NXPH1: variants seen among roughly 807,000 people sequenced by gnomAD.
NXPH1 encodes the protein neurexophilin 1.
Under a neutral mutation model 23.7 loss-of-function variants are expected in NXPH1, and 5 were observed. The ratio of observed to expected loss-of-function variants is 0.21; its 90% CI spans 0.11 to 0.44. The LOEUF (loss-of-function observed/expected upper bound fraction) is 0.44, where lower values mean the gene tolerates loss of function less well. NXPH1 is among the 20% of genes least tolerant of loss of function. The pLI, the probability that NXPH1 is intolerant of heterozygous loss-of-function variation, is 0.99. For missense variants in NXPH1, 324 were observed against 321.6 expected (o/e 1.01, Z -0.06); for synonymous variants, 144 against 122.2 (o/e 1.18, Z -1.18).
At chr7:8,697,066 G>C (rs1274745829) in intron 2 of NXPH1, among the ~76,000 whole-genome samples, 1 of 150,056 alleles carries the variant, frequency 6.7e-6, no homozygotes, top group Non-Finnish European at 1.5e-5. Flanking sequence ...GCTAAGGCAG[G>C]AGAATCACTT....
intron 2 of NXPH1, among the ~76,000 whole-genome samples, chr7:8,445,020 A>G (rs1816375219): frequency 6.6e-6 from 1 of 152,198 alleles, no homozygotes; most frequent in African/African-American, 2.4e-5. Flanking sequence ...GATGTAGGGC[A>G]TGATTTCCTC....
chr7:8,600,288 A>C (rs951111492), intron 2 of NXPH1, among the ~76,000 whole-genome samples: 2 of 152,252 alleles, frequency 1.3e-5, no homozygotes, highest in African/African-American at 4.8e-5. Context: ...GTAAAAAGCT[A>C]ATTTGGAAAC....
intron 2 of NXPH1, among the ~76,000 whole-genome samples, chr7:8,748,205 G>C (rs1478191786): frequency 1.3e-5 from 2 of 152,014 alleles, no homozygotes. Context: ...GCTGTTATTA[G>C]TCATTTCTAC....
chr7:8,642,100 T>C (rs917499315), intron 2 of NXPH1, among the ~76,000 whole-genome samples: 2 of 152,228 alleles, frequency 1.3e-5, no homozygotes, highest in African/African-American at 4.8e-5. Flanking sequence ...CTGGAATTTA[T>C]TTTCCTGGGC....
chr7:8,498,245 A>G (rs1817371853), intron 2 of NXPH1, among the ~76,000 whole-genome samples: 1 of 152,040 alleles, frequency 6.6e-6, no homozygotes. Flanking sequence ...TTTCATTATC[A>G]TACCTGTCAA....
rs1297462622 is a variant in NXPH1, at chr7:8,721,244, ATAC to A, written c.55-29763_55-29761del. Reference sequence around the variant, plus strand: ...GCTCAGAAAATTTATACACACATACATACATATATGCATAAATATGAGAGAGAG... The same window carrying A: ...GCTCAGAAAATTTATACACACATACAATATATGCATAAATATGAGAGAGAG... On this transcript the variant is annotated intron_variant, in intron 2 of 2. Transcript: ENST00000405863. Among the ~76,000 whole-genome samples the A allele has an allele frequency of 2.0e-4, 31 of 152,306 alleles. 1 individual carries two copies. In the South Asian group the frequency reaches 4.6e-3, roughly 22 times the overall value.
chr7:8,586,921 T>C (rs1026282444), intron 2 of NXPH1, among the ~76,000 whole-genome samples: 6 of 152,116 alleles, frequency 3.9e-5, no homozygotes, highest in African/African-American at 1.4e-4. Context: ...GAAAAGACTA[T>C]TGTTGACATT....
chr7:8,476,622 TC>T (rs576205402), intron 2 of NXPH1, among the ~76,000 whole-genome samples: 186 of 152,196 alleles, frequency 1.2e-3, no homozygotes, highest in African/African-American at 4.2e-3. Flanking sequence ...TGATCTGACA[TC>T]CTTAAATGCA....
chr7:8,672,192 T>C (rs1304355603), intron 2 of NXPH1, among the ~76,000 whole-genome samples: 1 of 152,018 alleles, frequency 6.6e-6, no homozygotes, highest in African/African-American at 2.4e-5. Context: ...ATGGATGAAA[T>C]TGGAAACCAT....
At chr7:8,695,853 T>C (rs1159647404) in intron 2 of NXPH1, among the ~76,000 whole-genome samples, 2 of 152,204 alleles carry the variant, frequency 1.3e-5, no homozygotes, top group East Asian at 1.9e-4. Flanking sequence ...TTAAACGTGG[T>C]TCCTATTCTC....
chr7:8,457,878 G>C (rs1816627012), intron 2 of NXPH1, among the ~76,000 whole-genome samples: 1 of 152,092 alleles, frequency 6.6e-6, no homozygotes, highest in African/African-American at 2.4e-5. Flanking sequence ...TAAAAAATTA[G>C]CAACAATTCA....
At chr7:8,602,202 C>T (rs1391907451) in intron 2 of NXPH1, among the ~76,000 whole-genome samples, 1 of 152,068 alleles carries the variant, frequency 6.6e-6, no homozygotes, top group African/African-American at 2.4e-5. Flanking sequence ...GTGTTATATG[C>T]TTTTTTAGTT....
intron 2 of NXPH1, among the ~76,000 whole-genome samples, chr7:8,739,201 A>AC (rs1486243596): frequency 6.9e-6 from 1 of 145,668 alleles, no homozygotes; most frequent in Admixed American, 6.8e-5. Context: ...AAAAAAAAAA[A>AC]AAACCCTGCA....
chr7:8,559,262 T>C (rs184134087), intron 2 of NXPH1, among the ~76,000 whole-genome samples: 32 of 151,842 alleles, frequency 2.1e-4, no homozygotes, highest in South Asian at 6.2e-4. Context: ...CCTGGTGGAA[T>C]CTAATTTTAG....
At chr7:8,738,644 A>G (rs762128481) in intron 2 of NXPH1, among the ~76,000 whole-genome samples, 30 of 152,316 alleles carry the variant, frequency 2.0e-4, no homozygotes, top group Non-Finnish European at 3.8e-4. Flanking sequence ...AGCAGAGCTC[A>G]AGTGCTATGC....
chr7:8,571,391 G>A (rs1562406694), intron 2 of NXPH1, among the ~76,000 whole-genome samples: 1 of 151,722 alleles, frequency 6.6e-6, no homozygotes, highest in Non-Finnish European at 1.5e-5. Context: ...TTTCTTTGTG[G>A]ATGGCAATGG....
intron 2 of NXPH1, among the ~76,000 whole-genome samples, chr7:8,466,933 C>T (rs1816796100): frequency 1.3e-5 from 2 of 152,044 alleles, no homozygotes; most frequent in African/African-American, 4.8e-5. Flanking sequence ...AACTATGTGA[C>T]CTGGGACCAT....
At chr7:8,575,070 C>G (rs140055928) in intron 2 of NXPH1, among the ~76,000 whole-genome samples, 22 of 152,256 alleles carry the variant, frequency 1.4e-4, no homozygotes, top group African/African-American at 4.8e-4. Flanking sequence ...ATGTTTGACT[C>G]TGACATTAAT....
intron 2 of NXPH1, among the ~76,000 whole-genome samples, chr7:8,666,399 A>C (rs1820766931): frequency 1.3e-5 from 2 of 152,042 alleles, no homozygotes; most frequent in South Asian, 4.1e-4. Flanking sequence ...TGATCATAAT[A>C]AGAAATCCTT....
Sources: gnomAD v4.1 joint callset for allele counts (sites outside exome capture counted in the v4.1 genomes callset) on GRCh38, gnomAD v4.1.1 for gene constraint, MANE v1.5 for transcripts, NCBI Gene and HGNC (gene_info 2026-07-23, HGNC 2026-07-21) for gene names.